TCP10L: variants seen among roughly 807,000 people sequenced by gnomAD.
TCP10L encodes T-complex protein 10A homolog 1.
Under a neutral mutation model 19.2 loss-of-function variants are expected in TCP10L, and 11 were observed. The observed-to-expected ratio is 0.57, with a 90% CI of 0.36 to 0.95. The LOEUF is 0.95. Ranked by LOEUF, TCP10L falls within the 40% of genes least tolerant of loss-of-function variation. TCP10L has a pLI of 0.01. For missense variants in TCP10L, 247 were observed against 263.9 expected (o/e 0.94, Z 0.44); for synonymous variants, 96 against 97.2 (o/e 0.99, Z 0.07).
In TCP10L at chr21:32,578,672, G is replaced by T; in HGVS notation, c.498+22C>A. On this transcript the variant is annotated intron_variant, in intron 4 of 4. Coordinates refer to ENST00000300258, the MANE Select transcript of TCP10L (RefSeq NM_144659.7). The surrounding 1 kb of genome is among the most constrained non-coding windows in gnomAD (Gnocchi z 4.2). ...TACAGAACCTCTGCTTCTCTTTACA[G>T]ATGATAAGCACAAAGGGTCACCTTT... 6.2e-7 allele frequency: 1 copy of T among 1,607,510 alleles called. No individual in the cohort carries two copies. The highest frequency in any genetic ancestry group is 8.5e-7 in the Non-Finnish European group (1 of 1,177,502).
chr21:32,584,181 A>G lies in TCP10L; in HGVS notation c.124T>C (p.Cys42Arg). 1 of 1,613,804 alleles carries G rather than the reference A, an allele frequency of 6.2e-7. No homozygotes were observed. Among genetic ancestry groups the G allele is most frequent in the Non-Finnish European group, 8.5e-7 (1 of 1,179,852 alleles). Residue 42 changes from cysteine to arginine, a missense_variant, in exon 2 of 5, where the codon TGC becomes CGC. Physicochemically the swap from Cys to Arg is radical, Grantham distance 180 (BLOSUM62 -3). Transcript: ENST00000300258. Reference protein sequence around the residue: ...AVAAEVLTEDCNTGEMPPLQQ... With the variant: ...AVAAEVLTEDRNTGEMPPLQQ... ...CTCACTGGCATCTCCCCAGTGTTGC[A>G]GTCCTCCGTGAGAACCTCGGCTGCC... is the stretch of plus-strand genomic sequence containing the variant.
chr21:32,576,360 A>G lies in TCP10L; in HGVS notation c.*414T>C. 7.5e-7 allele frequency: 1 copy of G among 1,336,382 alleles called. No individual in the cohort carries two copies. The highest frequency in any genetic ancestry group is 2.1e-5 in the Admixed American group (1 of 47,550). 82.8% of individuals were successfully genotyped at this position (1,336,382 alleles called of 1,614,324 possible). On this transcript the variant is annotated 3_prime_UTR_variant, in exon 5 of 5. Transcript: ENST00000300258. ...ACAGTCACAGGCCCGCCTTGTCACA[A>G]GGTCCCTGGAGCGGGCAATGCCTTG...
chr21:32,580,972 G>A (rs2146527062), intron 3 of TCP10L, among the ~76,000 whole-genome samples: 1 of 152,342 alleles, frequency 6.6e-6, no homozygotes, highest in South Asian at 2.1e-4. Context: ...GCTAGGGCTC[G>A]ACCCCTGGGC....
intron 1 of TCP10L, 135 bp from the exon 2 acceptor site, chr21:32,584,440 C>T: frequency 7.6e-7 from 1 of 1,312,332 alleles, no homozygotes; most frequent in Non-Finnish European, 1.0e-6. Flanking sequence ...GGGTCATGTG[C>T]ACATTCCCAG....
intron 3 of TCP10L, among the ~76,000 whole-genome samples, chr21:32,579,574 C>T (rs1387199837): frequency 6.6e-6 from 1 of 152,134 alleles, no homozygotes; most frequent in African/African-American, 2.4e-5. Context: ...CTCTTGTGAG[C>T]GTACATCCTG....
chr21:32,582,422 T>C lies in TCP10L; in HGVS notation c.145-7A>G. 6.2e-7 allele frequency: 1 copy of C among 1,608,596 alleles called. No individual in the cohort carries two copies. The highest frequency in any genetic ancestry group is 8.5e-7 in the Non-Finnish European group (1 of 1,178,414). Reference sequence around the variant, plus strand: ...TGATCTGCTGCTGTAATGGCTGTTATTGGGAAGAGAACACCAGAAAAACCT... The same window carrying C: ...TGATCTGCTGCTGTAATGGCTGTTACTGGGAAGAGAACACCAGAAAAACCT... On this transcript the variant is annotated splice_region_variant and splice_polypyrimidine_tract_variant and intron_variant, in intron 2 of 4. Transcript: ENST00000300258. This position sits in a 1 kb window ranked among gnomAD's most constrained non-coding sequence, Gnocchi z 4.2.
chr21:32,583,403 C>A (rs918180390), intron 2 of TCP10L, among the ~76,000 whole-genome samples: 1 of 150,226 alleles, frequency 6.7e-6, no homozygotes, highest in Non-Finnish European at 1.5e-5. Context: ...TCCCGGCTAA[C>A]ACGGTGAAAC....
At position 32,584,197 on chromosome 21, in the gene TCP10L, C is replaced by G; in HGVS notation, c.108G>C (p.Glu36Asp). 6.2e-7 allele frequency: 1 copy of G among 1,614,080 alleles called. No individual in the cohort carries two copies. ...CAGTGTTGCAGTCCTCCGTGAGAAC[C>G]TCGGCTGCCACAGCTGTCTTCTCCA... is the stretch of plus-strand genomic sequence containing the variant. ...AVMEKTAVAA[E>D]VLTEDCNTGE... Residue 36 changes from glutamate to aspartate, a missense_variant, in exon 2 of 5, where the codon GAG becomes GAC. By Grantham distance (45) the Glu-to-Asp change is conservative. Coordinates refer to ENST00000300258, the MANE Select transcript of TCP10L (RefSeq NM_144659.7).
Position 32,576,075 on chromosome 21 carries a change from CA to C in TCP10L, c.*698del. The C allele has an allele frequency of 5.7e-6, 3 of 521,836 alleles. No homozygotes were observed. Among genetic ancestry groups the C allele is most frequent in the Non-Finnish European group, 6.6e-6 (2 of 302,834 alleles). The allele number at this position is 521,836 out of a possible 1,614,324, so 32.3% of individuals were successfully genotyped here. A position where few individuals can be genotyped will look rare whatever the true frequency, so the allele number is the denominator to read the frequency against. On this transcript the variant is annotated 3_prime_UTR_variant, in exon 5 of 5. Coordinates refer to ENST00000300258, the MANE Select transcript of TCP10L (RefSeq NM_144659.7). ...GTGAGGACCCAACGAGGGAATCAGA[CA>C]AAAAGTGGCCACAAATTAGGCAGCT...
rs2038432424 is a variant in TCP10L at position 32,576,255 on chromosome 21, C to T, written c.*519G>A. The T allele has an allele frequency of 6.4e-7, 1 of 1,570,708 alleles. No homozygotes were observed. The highest frequency in any genetic ancestry group is 1.1e-5 in the South Asian group (1 of 87,674). ...CCATCTGCTCCTGCAGCATGGCGGC[C>T]TGGGAAGCCTGCACTGGTGATTTTC... On this transcript the variant is annotated 3_prime_UTR_variant, in exon 5 of 5. Coordinates refer to ENST00000300258, the MANE Select transcript of TCP10L (RefSeq NM_144659.7).
Position 32,575,175 on chromosome 21 carries a change from T to C in TCP10L, c.*1599A>G. 6.6e-6 allele frequency: 1 copy of C among 152,438 alleles called. No individual in the cohort carries two copies. Among genetic ancestry groups the C allele is most frequent in the Non-Finnish European group, 1.5e-5 (1 of 68,300 alleles). The allele number at this position is 152,438 out of a possible 1,614,324, so 9.4% of individuals were successfully genotyped here. On this transcript the variant is annotated 3_prime_UTR_variant, in exon 5 of 5. Transcript: ENST00000300258. ...TAGCAGGTGTGTGTGAGAGGCAAGG[T>C]CCCCCATTCTGCCCGGCACCAGCAA...
In TCP10L at chr21:32,576,781, C is replaced by G. The variant is rs373347740; in HGVS notation, c.641G>C (p.Gly214Ala). The change falls in exon 5 of 5, where the codon GGT becomes GCT. Residue 214 changes from glycine (G) to alanine (A), a missense_variant. Transcript: ENST00000300258. ...RPTPCAERRGGV is the reference protein window; with the variant it reads ...RPTPCAERRGAV ...GAGGCCACCTTTCCATCTTCAGACA[C>G]CCCCCCGTCTCTCTGCACAGGGAGT... The G allele has an allele frequency of 5.0e-6, 8 of 1,604,630 alleles. No homozygotes were observed. Among genetic ancestry groups the G allele is most frequent in the Non-Finnish European group, 6.8e-6 (8 of 1,174,330 alleles).
In TCP10L at chr21:32,576,467, C is replaced by A; in HGVS notation, c.*307G>T. 1 of 647,750 alleles carries A rather than the reference C, an allele frequency of 1.5e-6. No individual in the cohort carries two copies. Among genetic ancestry groups the A allele is most frequent in the Non-Finnish European group, 2.6e-6 (1 of 383,886 alleles). The allele number at this position is 647,750 out of a possible 1,614,324, so 40.1% of individuals were successfully genotyped here. A position where few individuals can be genotyped will look rare whatever the true frequency, so the allele number is the denominator to read the frequency against. On this transcript the variant is annotated 3_prime_UTR_variant, in exon 5 of 5. Transcript: ENST00000300258. ...CCCCAGGGCTCACCCAACAGCCCGA[C>A]ACTCCATACTACAAGGTGGGTTAAT...
At position 32,582,162 on chromosome 21, in the gene TCP10L, AC is replaced by A. The variant is rs2038501863; in HGVS notation, c.360+37del. ...TTTATGGGGACGCTATTTTTACATA[AC>A]GCAAACGGTACAAAAACATAAATGC... On this transcript the variant is annotated intron_variant, in intron 3 of 4. Coordinates refer to ENST00000300258, the MANE Select transcript of TCP10L (RefSeq NM_144659.7). The surrounding 1 kb of genome is among the most constrained non-coding windows in gnomAD (Gnocchi z 4.2). 2.5e-6 allele frequency: 4 copies of A among 1,605,872 alleles called. No homozygotes were observed. Among genetic ancestry groups the A allele is most frequent in the Non-Finnish European group, 3.4e-6 (4 of 1,174,700 alleles).
In TCP10L at chr21:32,574,301, CTCTT is replaced by C. The variant is rs1363436550; in HGVS notation, c.*2469_*2472del. 6.6e-6 allele frequency among the ~76,000 whole-genome samples: 1 copy of C among 152,140 alleles called. No homozygotes were observed. Among genetic ancestry groups the C allele is most frequent in the Non-Finnish European group, 1.5e-5 (1 of 68,014 alleles). On this transcript the variant is annotated 3_prime_UTR_variant, in exon 5 of 5. Coordinates refer to ENST00000300258, the MANE Select transcript of TCP10L (RefSeq NM_144659.7). ...AAAAATGAAACTTTGACTTGGGAAACTCTTAAGCCATGAAAAATATTAATCCTGT... is the reference window on the plus strand; with the variant it reads ...AAAAATGAAACTTTGACTTGGGAAACAAGCCATGAAAAATATTAATCCTGT...
In TCP10L at chr21:32,576,439, A is replaced by G; in HGVS notation, c.*335T>C. The G allele has an allele frequency of 1.3e-6, 1 of 760,322 alleles. No individual in the cohort carries two copies. Among genetic ancestry groups the G allele is most frequent in the Non-Finnish European group, 2.1e-6 (1 of 479,984 alleles). The allele number at this position is 760,322 out of a possible 1,614,324, so 47.1% of individuals were successfully genotyped here. On this transcript the variant is annotated 3_prime_UTR_variant, in exon 5 of 5. Coordinates refer to ENST00000300258, the MANE Select transcript of TCP10L (RefSeq NM_144659.7). ...CTTCAGCCATCCTCGATTTCCAGCA[A>G]GACCCCAGGGCTCACCCAACAGCCC... is the stretch of plus-strand genomic sequence containing the variant.
In TCP10L at chr21:32,575,519, TG is replaced by T. The variant is rs897634635; in HGVS notation, c.*1254del. 1 of 153,086 alleles carries T rather than the reference TG, an allele frequency of 6.5e-6. No individual in the cohort carries two copies. Among genetic ancestry groups the T allele is most frequent in the Non-Finnish European group, 1.5e-5 (1 of 68,528 alleles). 9.5% of individuals were successfully genotyped at this position (153,086 alleles called of 1,614,324 possible). ...GGCCAAGGATGGGAAGGAGTCCAGG[TG>T]CCAGGCAGCCCAGGGCGAGTGGTGC... is the stretch of plus-strand genomic sequence containing the variant. On this transcript the variant is annotated 3_prime_UTR_variant, in exon 5 of 5. Transcript: ENST00000300258.
chr21:32,575,918 C>T lies in TCP10L; in HGVS notation c.*856G>A, dbSNP rs571759316. 3 of 189,124 alleles carry T rather than the reference C, an allele frequency of 1.6e-5. No individual in the cohort carries two copies. Among genetic ancestry groups the T allele is most frequent in the African/African-American group, 7.0e-5 (3 of 43,094 alleles). 11.7% of individuals were successfully genotyped at this position (189,124 alleles called of 1,614,324 possible). On this transcript the variant is annotated 3_prime_UTR_variant, in exon 5 of 5. Coordinates refer to ENST00000300258, the MANE Select transcript of TCP10L (RefSeq NM_144659.7). ...ACCCAAGTGCATCTAGCCCCAGCCA[C>T]ACGCCTTCTGCTGGGAGTGTGCTCA...
chr21:32,583,545 C>A (rs936865444), intron 2 of TCP10L, among the ~76,000 whole-genome samples: 2 of 146,620 alleles, frequency 1.4e-5, no homozygotes, highest in Admixed American at 1.4e-4. Context: ...GCCGAGATCC[C>A]GCCACTGCAC....
Sources: gnomAD v4.1 joint callset for allele counts (sites outside exome capture counted in the v4.1 genomes callset) on GRCh38, gnomAD v4.1.1 for gene constraint, Gnocchi (gnomAD v3.1) non-coding constraint, MANE v1.5 for transcripts, NCBI Gene and HGNC (gene_info 2026-07-23, HGNC 2026-07-21) for gene names.